Variants in SLC44A1 observed in about 807,000 individuals in gnomAD.
SLC44A1 encodes solute carrier family 44 member 1.
Under a neutral mutation model 79.3 loss-of-function variants are expected in SLC44A1, and 26 were observed. The ratio of observed to expected loss-of-function variants is 0.33; its 90% CI spans 0.24 to 0.46. The LOEUF is 0.46. SLC44A1 is among the 20% of genes least tolerant of loss of function. The probability of loss-of-function intolerance (pLI) is 1.00; values close to 1 mark genes in which losing one functional copy is unlikely to be tolerated. For synonymous variants in SLC44A1, 263 were observed against 286.2 expected (o/e 0.92, Z 0.82); for missense variants, 688 against 798.1 (o/e 0.86, Z 1.66).
In SLC44A1 at chr9:105,292,807, TCTTA is replaced by T. The variant is rs552356032; in HGVS notation, c.37-6409_37-6406del. 4.2e-3 allele frequency among the ~76,000 whole-genome samples: 647 copies of T among 152,360 alleles called. 3 individuals carry two copies. The highest frequency in any genetic ancestry group is 6.8e-3 in the Middle Eastern group (2 of 294). ...CACTTAAACTAGAGCTCTGGGGCTG[TCTTA>T]CTTGTTGCATCTCAAGTATTTTGTG... On this transcript the variant is annotated intron_variant, in intron 1 of 15. Transcript: ENST00000374720.
chr9:105,422,389 A>G (rs1829264529), intron 15 of SLC44A1, among the ~76,000 whole-genome samples: 1 of 150,412 alleles, frequency 6.6e-6, no homozygotes, highest in Admixed American at 6.7e-5. Context: ...CCCGGGTTCA[A>G]GCAATTCTCC....
chr9:105,421,674 G>A (rs770056728), intron 15 of SLC44A1, among the ~76,000 whole-genome samples: 35 of 147,254 alleles, frequency 2.4e-4, no homozygotes, highest in Non-Finnish European at 5.0e-4. Flanking sequence ...TGCAAGCTCC[G>A]CTTCCTGGGT....
intron 1 of SLC44A1, among the ~76,000 whole-genome samples, chr9:105,254,182 G>C (rs572893219): frequency 6.6e-6 from 1 of 152,332 alleles, no homozygotes; most frequent in South Asian, 2.1e-4. Context: ...CAGCAAGGAC[G>C]TAAGTTCTCT....
At chr9:105,402,975 CTTTT>C (rs780060821) in intron 15 of SLC44A1, among the ~76,000 whole-genome samples, 19 of 66,378 alleles carry the variant, frequency 2.9e-4, no homozygotes, top group African/African-American at 1.1e-3. Flanking sequence ...TCACACCCAG[CTTTT>C]TTTTTTTTTT....
rs1829282720 is a variant in SLC44A1 at position 105,423,542 on chromosome 9, T to C, written c.1951-14739T>C. Among the ~76,000 whole-genome samples, 3 of 152,200 alleles carry C rather than the reference T, an allele frequency of 2.0e-5. No individual in the cohort carries two copies. The South Asian group carries it at 6.2e-4, about 31-fold the overall frequency. ...ATTCTGTGTTTAGAAATTAAGGACA[T>C]GTGAAAAGATTTTGCTGCAAATCAG... On this transcript the variant is annotated intron_variant, in intron 15 of 15. Coordinates refer to the SLC44A1 transcript ENST00000374724.
chr9:105,429,334 G>A (rs1829362074), intron 15 of SLC44A1, among the ~76,000 whole-genome samples: 1 of 152,140 alleles, frequency 6.6e-6, no homozygotes, highest in African/African-American at 2.4e-5. Context: ...ACGAGGTCTG[G>A]CTCTGTCATC....
At chr9:105,343,208 A>G (rs889044637) in intron 4 of SLC44A1, among the ~76,000 whole-genome samples, 3 of 152,096 alleles carry the variant, frequency 2.0e-5, no homozygotes, top group Admixed American at 6.5e-5. Context: ...TAGTATGTGG[A>G]AAAAGCACTC....
At chr9:105,260,692 G>T (rs1482860864) in intron 1 of SLC44A1, among the ~76,000 whole-genome samples, 1 of 152,174 alleles carries the variant, frequency 6.6e-6, no homozygotes, top group Non-Finnish European at 1.5e-5. Context: ...ATTGACAAAA[G>T]AATCCTTCAA....
chr9:105,335,973 A>C (rs1054685339), intron 4 of SLC44A1, among the ~76,000 whole-genome samples: 15 of 152,294 alleles, frequency 9.8e-5, no homozygotes, highest in African/African-American at 3.6e-4. Context: ...GATGTAGTCT[A>C]TCGAGTATTT....
downstream of SLC44A1, among the ~76,000 whole-genome samples, chr9:105,399,240 A>C (rs1202087166): frequency 6.6e-6 from 1 of 152,216 alleles, no homozygotes; most frequent in Non-Finnish European, 1.5e-5. Context: ...TCATGGGCTT[A>C]TCAGCAATTT....
At chr9:105,427,325 T>A (rs925335362) in intron 15 of SLC44A1, among the ~76,000 whole-genome samples, 1 of 152,256 alleles carries the variant, frequency 6.6e-6, no homozygotes, top group South Asian at 2.1e-4. Context: ...TTCATTTGAA[T>A]GTACTATATT....
At chr9:105,364,496 C>T in intron 9 of SLC44A1, 59 bp from the exon 10 acceptor site, 1 of 1,483,458 alleles carries the variant, frequency 6.7e-7, no homozygotes, top group South Asian at 1.3e-5. Flanking sequence ...TACTTAACTG[C>T]CGTATTTCTG....
At chr9:105,291,566 A>G (rs556837544) in intron 1 of SLC44A1, among the ~76,000 whole-genome samples, 10 of 152,330 alleles carry the variant, frequency 6.6e-5, no homozygotes, top group Non-Finnish European at 1.3e-4. Context: ...TGTTCAAACA[A>G]AAAATTGGGG....
chr9:105,380,824 C>T (rs559716320), intron 13 of SLC44A1, among the ~76,000 whole-genome samples: 111 of 152,230 alleles, frequency 7.3e-4, no homozygotes, highest in African/African-American at 2.6e-3. Flanking sequence ...TAAATGCAAA[C>T]TACTGGGCTT....
downstream of SLC44A1, among the ~76,000 whole-genome samples, chr9:105,399,363 TC>T (rs1828926750): frequency 6.6e-6 from 1 of 152,244 alleles, no homozygotes; most frequent in South Asian, 2.1e-4. Flanking sequence ...CGGCTTTCAG[TC>T]AATCTCAGGT....
chr9:105,386,235 T>G (rs972474915), intron 15 of SLC44A1: 4 of 982,700 alleles, frequency 4.1e-6, no homozygotes, highest in Non-Finnish European at 4.8e-6. Context: ...AACCTTGAGC[T>G]GCTTTTCACA....
chr9:105,390,305 A>T lies in SLC44A1; in HGVS notation c.*1249A>T. On this transcript the variant is annotated 3_prime_UTR_variant, in exon 16 of 16. Transcript: ENST00000374720. ...AAGTGTAATTTGCTAAGAATAATTC[A>T]TGATCTGTTTATGCGATAACTCCTT... 1 of 998,510 alleles carries T rather than the reference A, an allele frequency of 1.0e-6. No individual in the cohort carries two copies. Among genetic ancestry groups the T allele is most frequent in the Non-Finnish European group, 1.2e-6 (1 of 838,202 alleles). 61.9% of individuals were successfully genotyped at this position (998,510 alleles called of 1,614,324 possible). A position where few individuals can be genotyped will look rare whatever the true frequency, so the allele number is the denominator to read the frequency against.
chr9:105,430,171 G>T (rs967106946), intron 15 of SLC44A1, among the ~76,000 whole-genome samples: 4 of 152,292 alleles, frequency 2.6e-5, no homozygotes, highest in African/African-American at 7.2e-5. Flanking sequence ...TGAATTACAG[G>T]CATGAGCCAC....
At chr9:105,311,698 G>A (rs1422674084) in intron 3 of SLC44A1, among the ~76,000 whole-genome samples, 1 of 152,164 alleles carries the variant, frequency 6.6e-6, no homozygotes, top group African/African-American at 2.4e-5. Context: ...CTTAATTCAT[G>A]TACGCATGTT....
Sources: allele counts gnomAD v4.1 joint callset (sites outside exome capture counted in the v4.1 genomes callset), GRCh38; gene constraint gnomAD v4.1.1; transcripts MANE v1.5; gene names NCBI Gene and HGNC (gene_info 2026-07-23, HGNC 2026-07-21).